Variants in UTY observed in about 807,000 individuals in gnomAD.
UTY encodes histone demethylase UTY.
UTY carries 12 observed loss-of-function variants against 32.5 expected under a neutral mutation model. That is an observed-to-expected ratio of 0.37 (90% confidence interval 0.24 to 0.60). The LOEUF (loss-of-function observed/expected upper bound fraction) is 0.60. Ranked by LOEUF, UTY falls within the 20% of genes least tolerant of loss-of-function variation. The pLI is 0.69. For missense variants in UTY, 303 were observed against 299.2 expected, an observed-to-expected ratio of 1.01 and a Z score of -0.09; for synonymous variants, 131 against 103.4, an observed-to-expected ratio of 1.27 and a Z score of -1.62.
At chrY:13,313,609 T>C (rs1043992799) in intron 21 of UTY, among the ~76,000 whole-genome samples, 1 of 33,812 alleles carries the variant, frequency 3.0e-5, no homozygotes, top group Non-Finnish European at 7.3e-5. Flanking sequence ...ACACTACACA[T>C]TGACATATAA....
intron 6 of UTY, among the ~76,000 whole-genome samples, chrY:13,404,961 T>C (rs1050193261): frequency 2.1e-3 from 69 of 33,032 alleles, no homozygotes; most frequent in Non-Finnish European, 6.0e-4. Flanking sequence ...AGGACATCTG[T>C]CAAGTTTATT....
chrY:13,425,048 A>G, intron 4 of UTY, among the ~76,000 whole-genome samples: 1 of 33,751 alleles, frequency 3.0e-5, no homozygotes, highest in Non-Finnish European at 7.3e-5. Flanking sequence ...TTTCAAAACA[A>G]TTCATTAGAA....
chrY:13,387,788 C>A (rs368417493), intron 8 of UTY, among the ~76,000 whole-genome samples: 1 of 33,427 alleles, frequency 3.0e-5, no homozygotes, highest in African/African-American at 1.2e-4. Context: ...CCAGCCTGGG[C>A]AACAACAGTG....
intron 3 of UTY, among the ~76,000 whole-genome samples, chrY:13,466,679 C>A (rs2077942375): frequency 3.0e-5 from 1 of 33,242 alleles, no homozygotes; most frequent in Non-Finnish European, 7.4e-5. Flanking sequence ...AAACACAGAG[C>A]CAAAATTTTT....
chrY:13,477,946 TACTA>T (rs2079250669), intron 2 of UTY, among the ~76,000 whole-genome samples: 2 of 33,604 alleles, frequency 6.0e-5, no homozygotes, highest in Non-Finnish European at 1.5e-4. Flanking sequence ...AAAGTGGATT[TACTA>T]ACTATATATA....
intron 17 of UTY, among the ~76,000 whole-genome samples, chrY:13,340,253 G>A: frequency 3.1e-5 from 1 of 32,535 alleles, no homozygotes; most frequent in Non-Finnish European, 7.6e-5. Context: ...CTAATGGCCC[G>A]GACAAAACCA....
chrY:13,257,156 C>T, intron 28 of UTY, among the ~76,000 whole-genome samples: 1 of 33,881 alleles, frequency 3.0e-5, no homozygotes, highest in Admixed American at 2.7e-4. Context: ...AGCTAGCTTA[C>T]GTACATGTAT....
At chrY:13,452,732 G>A in intron 3 of UTY, among the ~76,000 whole-genome samples, 2 of 33,859 alleles carry the variant, frequency 5.9e-5, no homozygotes, top group African/African-American at 2.3e-4. Flanking sequence ...ACTAAGGCAA[G>A]AGAAAGAATG....
intron 6 of UTY, among the ~76,000 whole-genome samples, chrY:13,399,307 G>A: frequency 3.0e-5 from 1 of 33,541 alleles, no homozygotes; most frequent in South Asian, 6.7e-4. Flanking sequence ...GACAAATATT[G>A]TACAAGTCCA....
intron 4 of UTY, among the ~76,000 whole-genome samples, chrY:13,422,656 C>T (rs2072736389): frequency 6.0e-5 from 2 of 33,268 alleles, no homozygotes; most frequent in East Asian, 7.8e-4. Context: ...ATATAAACTC[C>T]GTAATGGCAA....
intron 14 of UTY, 38 bp downstream of exon 14, chrY:13,358,426 T>C: frequency 2.7e-6 from 1 of 372,333 alleles, no homozygotes; most frequent in Non-Finnish European, 3.7e-6. Flanking sequence ...GTTTCATTTT[T>C]GACTGGGATT....
At chrY:13,367,530 A>C in intron 9 of UTY, among the ~76,000 whole-genome samples, 1 of 33,816 alleles carries the variant, frequency 3.0e-5, no homozygotes, top group South Asian at 6.3e-4. Flanking sequence ...TCAAGTGTAT[A>C]AAATTAGCTT....
chrY:13,427,474 C>T, intron 4 of UTY, among the ~76,000 whole-genome samples: 2 of 33,183 alleles, frequency 6.0e-5, no homozygotes, highest in South Asian at 6.5e-4. Context: ...TATAAAGATA[C>T]TCACAGACTG....
intron 27 of UTY, among the ~76,000 whole-genome samples, chrY:13,267,978 G>C (rs2055981487): frequency 3.1e-5 from 1 of 32,277 alleles, no homozygotes; most frequent in Non-Finnish European, 7.6e-5. Flanking sequence ...TTTCAACCTT[G>C]GTGAATCTGA....
intron 9 of UTY, among the ~76,000 whole-genome samples, chrY:13,368,425 G>T (rs2064509682): frequency 6.6e-5 from 2 of 30,404 alleles, no homozygotes; most frequent in Non-Finnish European, 1.6e-4. Flanking sequence ...TGTTTCCCAG[G>T]CTGGAGTGCA....
chrY:13,403,871 T>C, intron 6 of UTY, among the ~76,000 whole-genome samples: 1 of 32,889 alleles, frequency 3.0e-5, no homozygotes, highest in Non-Finnish European at 7.5e-5. Context: ...TGCCTGTGAA[T>C]AGCCACTGCA....
At chrY:13,382,198 C>T (rs2149431870) in intron 8 of UTY, among the ~76,000 whole-genome samples, 1 of 32,937 alleles carries the variant, frequency 3.0e-5, no homozygotes, top group East Asian at 7.9e-4. Context: ...ATTTATGCAC[C>T]TAACAATGGA....
chrY:13,393,127 C>T, intron 8 of UTY: 2 of 33,339 alleles, frequency 6.0e-5, no homozygotes, highest in African/African-American at 2.3e-4. Context: ...ACATGAGCCA[C>T]CATGCCCAAC....
intron 19 of UTY, among the ~76,000 whole-genome samples, chrY:13,325,166 T>C (rs991184020): frequency 5.9e-5 from 2 of 33,631 alleles, no homozygotes; most frequent in Admixed American, 5.5e-4. Context: ...AACAAAACTT[T>C]TAGAGAATAA....
Sources: allele counts gnomAD v4.1 joint callset (sites outside exome capture counted in the v4.1 genomes callset), GRCh38; gene constraint gnomAD v4.1.1; transcripts MANE v1.5; gene names NCBI Gene and HGNC (gene_info 2026-07-23, HGNC 2026-07-21).